CDH4: variants seen among roughly 807,000 people sequenced by gnomAD.
CDH4 encodes the protein cadherin 4, also known as cadherin-4.
A neutral mutation model predicts 86.0 loss-of-function variants in CDH4; 33 were observed. The ratio of observed to expected loss-of-function variants is 0.38; its 90% CI spans 0.29 to 0.51. The LOEUF is 0.51. CDH4 is among the 20% of genes least tolerant of loss of function. The pLI is 0.86. For missense variants in CDH4, 1,114 were observed against 1,307.4 expected, an observed-to-expected ratio of 0.85 and a Z score of 2.28; for synonymous variants, 555 against 549.4, an observed-to-expected ratio of 1.01 and a Z score of -0.14.
At chr20:61,577,123 G>A (rs1192206932) in intron 2 of CDH4, among the ~76,000 whole-genome samples, 1 of 152,216 alleles carries the variant, frequency 6.6e-6, no homozygotes, top group African/African-American at 2.4e-5. Flanking sequence ...AAGACAAGTG[G>A]ATGTTGTGTG....
intron 2 of CDH4, among the ~76,000 whole-genome samples, chr20:61,285,714 C>T (rs549832895): frequency 6.6e-6 from 1 of 152,380 alleles, no homozygotes; most frequent in Non-Finnish European, 1.5e-5. Context: ...TTTCTCACTT[C>T]CTTTTTGCTC....
intron 2 of CDH4, among the ~76,000 whole-genome samples, chr20:61,441,201 A>T (rs575468639): frequency 1.3e-5 from 2 of 152,264 alleles, no homozygotes; most frequent in South Asian, 4.1e-4. Context: ...TCATCCATCC[A>T]TGGCAGGAGC....
At chr20:61,527,794 C>T (rs1356321113) in intron 2 of CDH4, among the ~76,000 whole-genome samples, 2 of 152,018 alleles carry the variant, frequency 1.3e-5, no homozygotes, top group Admixed American at 6.6e-5. Flanking sequence ...AGAGGCATCT[C>T]GGGTGGTGTC....
intron 1 of CDH4, among the ~76,000 whole-genome samples, chr20:61,253,765 G>T (rs907825774): frequency 6.6e-6 from 1 of 152,166 alleles, no homozygotes; most frequent in African/African-American, 2.4e-5. Context: ...GCCGGCGTCG[G>T]GAAGCCTGGA....
chr20:61,925,949 C>A (rs551396941), intron 11 of CDH4, among the ~76,000 whole-genome samples: 4 of 152,352 alleles, frequency 2.6e-5, no homozygotes, highest in African/African-American at 7.2e-5. Flanking sequence ...GATGCAGCCA[C>A]CCCCAGCTGC....
rs1236920575 is a variant in CDH4, at chr20:61,928,170, G to A, written c.1772-20G>A. On this transcript the variant is annotated intron_variant, in intron 11 of 15. Transcript: ENST00000614565. ...GAGTACCAGGAGTGGCCCGTGTGGT[G>A]ACCTGTGTCTGTTCCACAGGGATAC... is the stretch of plus-strand genomic sequence containing the variant. 2 of 1,583,606 alleles carry A rather than the reference G, an allele frequency of 1.3e-6. No homozygotes were observed. Among genetic ancestry groups the A allele is most frequent in the Non-Finnish European group, 1.7e-6 (2 of 1,165,746 alleles).
chr20:61,820,747 C>T lies in CDH4; in HGVS notation c.577-23921C>T, dbSNP rs371112358. ...CTGGGTTACTGCATACAGGAGCTTT[C>T]CCCTCCCAAGACCCTCATCAGCTTT... is the stretch of plus-strand genomic sequence containing the variant. On this transcript the variant is annotated intron_variant, in intron 4 of 15. Coordinates refer to ENST00000614565, the MANE Select transcript of CDH4 (RefSeq NM_001794.5). Among the ~76,000 whole-genome samples the T allele has an allele frequency of 3.3e-5, 5 of 152,280 alleles. No homozygotes were observed. The East Asian group carries it at 5.8e-4, about 18-fold the overall frequency.
chr20:61,312,260 G>GTGTA (rs1303712944), intron 2 of CDH4, among the ~76,000 whole-genome samples: 1 of 150,794 alleles, frequency 6.6e-6, no homozygotes, highest in Non-Finnish European at 1.5e-5. Flanking sequence ...GTGTATATGT[G>GTGTA]TGTAATGTGT....
At position 61,616,773 on chromosome 20, in the gene CDH4, T is replaced by A. The variant is rs148100248; in HGVS notation, c.170-126790T>A. Among the ~76,000 whole-genome samples the A allele has an allele frequency of 7.6e-4, 115 of 152,288 alleles. 1 individual carries two copies. The East Asian group carries it at 0.019, about 25-fold the overall frequency. On this transcript the variant is annotated intron_variant, in intron 2 of 15. Coordinates refer to ENST00000614565, the MANE Select transcript of CDH4 (RefSeq NM_001794.5). ...GGTCCTTGCGTTTCTCTCCAAATGT[T>A]CTTGATTTCAGGGCTGACCTTCCCA... is the stretch of plus-strand genomic sequence containing the variant.
At chr20:61,648,996 C>T (rs2087093779) in intron 2 of CDH4, among the ~76,000 whole-genome samples, 1 of 152,170 alleles carries the variant, frequency 6.6e-6, no homozygotes, top group African/African-American at 2.4e-5. Context: ...TTGCACCAAC[C>T]TCCTCTCCTC....
At chr20:61,847,623 C>T (rs1249955797) in intron 5 of CDH4, among the ~76,000 whole-genome samples, 1 of 152,202 alleles carries the variant, frequency 6.6e-6, no homozygotes, top group African/African-American at 2.4e-5. Flanking sequence ...TAAAGAAATA[C>T]CTGAGGCTGC....
At chr20:61,273,213 A>AGAGTACCTTGTGCAGTTTGGGG (rs2084195126) in intron 2 of CDH4, among the ~76,000 whole-genome samples, 1 of 38,090 alleles carries the variant, frequency 2.6e-5, no homozygotes, top group Non-Finnish European at 4.9e-5. Flanking sequence ...GCAGTTTGGG[A>AGAGTACCTTGTGCAGTTTGGGG]GAGTACCTTG....
At chr20:61,318,117 C>T (rs990155281) in intron 2 of CDH4, among the ~76,000 whole-genome samples, 7 of 152,026 alleles carry the variant, frequency 4.6e-5, no homozygotes, top group East Asian at 3.9e-4. Context: ...GGGACCCATG[C>T]GCCCCCACCC....
chr20:61,565,095 G>GTGGTGGTGC (rs1568688020), intron 2 of CDH4, among the ~76,000 whole-genome samples: 1 of 127,838 alleles, frequency 7.8e-6, no homozygotes, highest in Admixed American at 7.6e-5. Flanking sequence ...GGTGCTCTTG[G>GTGGTGGTGC]TGGTGCTCTT....
intron 2 of CDH4, among the ~76,000 whole-genome samples, chr20:61,659,884 T>C (rs1283216610): frequency 6.6e-6 from 1 of 152,146 alleles, no homozygotes; most frequent in Non-Finnish European, 1.5e-5. Context: ...AGGAAGCAGC[T>C]CCACCTTCTC....
At chr20:61,764,692 C>T (rs942084433) in intron 3 of CDH4, among the ~76,000 whole-genome samples, 5 of 152,206 alleles carry the variant, frequency 3.3e-5, no homozygotes, top group Admixed American at 6.5e-5. Flanking sequence ...TTTGCAGCAC[C>T]TTCCTCCCCA....
At chr20:61,852,462 G>A (rs1247295115) in intron 5 of CDH4, among the ~76,000 whole-genome samples, 2 of 152,204 alleles carry the variant, frequency 1.3e-5, no homozygotes, top group Admixed American at 6.5e-5. Context: ...CGGAACAGTC[G>A]GGCAGGCATG....
At chr20:61,581,741 T>A (rs1447495398) in intron 2 of CDH4, among the ~76,000 whole-genome samples, 1 of 152,196 alleles carries the variant, frequency 6.6e-6, no homozygotes. Flanking sequence ...TCTTTGGCTG[T>A]CTGAGCTGTG....
At chr20:61,357,213 G>T (rs141930378) in intron 2 of CDH4, among the ~76,000 whole-genome samples, 1 of 152,128 alleles carries the variant, frequency 6.6e-6, no homozygotes, top group African/African-American at 2.4e-5. Context: ...CTTGGCCCTC[G>T]CTTCTTCTCT....
Sources: gnomAD v4.1 joint callset for allele counts (sites outside exome capture counted in the v4.1 genomes callset) on GRCh38, gnomAD v4.1.1 for gene constraint, MANE v1.5 for transcripts, NCBI Gene and HGNC (gene_info 2026-07-23, HGNC 2026-07-21) for gene names.